The following CBLB variants were observed in gnomAD, a reference collection of about 807,000 sequenced individuals.
CBLB encodes E3 ubiquitin-protein ligase CBL-B.
In CBLB, 31 loss-of-function variants were observed where a neutral mutation model predicts 104.9. That is an observed-to-expected ratio of 0.30 (90% CI 0.22 to 0.40). The LOEUF (loss-of-function observed/expected upper bound fraction) is 0.40. Among genes scored for constraint, CBLB ranks in the 10% least tolerant of loss-of-function variants. The probability of loss-of-function intolerance (pLI) is 1.00; values close to 1 mark genes in which losing one functional copy is unlikely to be tolerated. For missense variants in CBLB, 1,062 were observed against 1,214.6 expected, an observed-to-expected ratio of 0.87 and a Z score of 1.87; for synonymous variants, 440 against 422.6, an observed-to-expected ratio of 1.04 and a Z score of -0.51.
chr3:105,795,098 G>T (rs2082113820), intron 3 of CBLB, among the ~76,000 whole-genome samples: 1 of 152,066 alleles, frequency 6.6e-6, no homozygotes, highest in African/African-American at 2.4e-5. Flanking sequence ...TATTTTAGTA[G>T]AGACAGGGTT....
At chr3:105,832,454 G>A (rs1216261586) in intron 3 of CBLB, among the ~76,000 whole-genome samples, 1 of 152,122 alleles carries the variant, frequency 6.6e-6, no homozygotes, top group Non-Finnish European at 1.5e-5. Context: ...TCTAATTATG[G>A]ATCAGCAGGC....
At chr3:105,740,076 C>G (rs1011774277) in intron 7 of CBLB, among the ~76,000 whole-genome samples, 1 of 150,454 alleles carries the variant, frequency 6.6e-6, no homozygotes, top group African/African-American at 2.5e-5. Flanking sequence ...GCACTCCAGC[C>G]TGGCAACAGA....
chr3:105,810,504 T>A (rs1415514935), intron 3 of CBLB, among the ~76,000 whole-genome samples: 1 of 152,146 alleles, frequency 6.6e-6, no homozygotes, highest in African/African-American at 2.4e-5. Flanking sequence ...TGCACGGGTA[T>A]AACTTAAAGC....
At chr3:105,793,484 CAAAA>C (rs367556783) in intron 3 of CBLB, among the ~76,000 whole-genome samples, 3 of 118,568 alleles carry the variant, frequency 2.5e-5, no homozygotes, top group Admixed American at 8.7e-5. Flanking sequence ...AAATGTTTAA[CAAAA>C]AAAAAAAAAA....
At chr3:105,782,382 C>T (rs887731201) in intron 3 of CBLB, among the ~76,000 whole-genome samples, 1 of 152,092 alleles carries the variant, frequency 6.6e-6, no homozygotes, top group South Asian at 2.1e-4. Flanking sequence ...GGATACTAAA[C>T]TGATCACTTT....
chr3:105,787,340 AAC>A (rs1208467848), intron 3 of CBLB, among the ~76,000 whole-genome samples: 2 of 152,220 alleles, frequency 1.3e-5, no homozygotes, highest in East Asian at 1.9e-4. Flanking sequence ...AGTGGAAGAA[AAC>A]ACAGTGCTGA....
chr3:105,704,230 G>A lies in CBLB; in HGVS notation c.1408-57C>T, dbSNP rs1046693300. 29 of 1,513,144 alleles carry A rather than the reference G, an allele frequency of 1.9e-5. No individual in the cohort carries two copies. In the African/African-American group the frequency reaches 3.7e-4, roughly 19 times the overall value. 93.7% of individuals were successfully genotyped at this position (1,513,144 alleles called of 1,614,324 possible). On this transcript the variant is annotated intron_variant, in intron 10 of 18. Coordinates refer to ENST00000394030, the MANE Select transcript of CBLB (RefSeq NM_170662.5). The stretch of plus-strand genomic sequence containing the variant: ...TTATTAGCTGTGCAGAGTGTTCTCT[G>A]TTCTTAAAGAATATATTTGGTTGGA...
intron 3 of CBLB, among the ~76,000 whole-genome samples, chr3:105,839,676 A>G (rs1363028079): frequency 6.6e-6 from 1 of 152,254 alleles, no homozygotes; most frequent in East Asian, 1.9e-4. Flanking sequence ...CATTGTAGCC[A>G]CAGACAGTAA....
intron 10 of CBLB, among the ~76,000 whole-genome samples, chr3:105,715,134 G>A (rs1559930296): frequency 6.6e-6 from 1 of 152,116 alleles, no homozygotes; most frequent in Non-Finnish European, 1.5e-5. Flanking sequence ...CAAATCACTG[G>A]GTAGCAACAG....
rs773929033 is a variant in CBLB, at chr3:105,659,280, A to G, written c.2690-51T>C. Reference sequence around the variant, plus strand: ...CTATTTAAACAGTGAAATAAAAATGAAGGCAAGATAACATAACAGCATTAT... The same window carrying G: ...CTATTTAAACAGTGAAATAAAAATGGAGGCAAGATAACATAACAGCATTAT... On this transcript the variant is annotated intron_variant, in intron 18 of 18. Coordinates refer to ENST00000394030, the MANE Select transcript of CBLB (RefSeq NM_170662.5). 1.1e-5 allele frequency: 16 copies of G among 1,500,594 alleles called. No individual in the cohort carries two copies. In the Admixed American group the frequency reaches 2.5e-4, roughly 24 times the overall value. 93.0% of individuals were successfully genotyped at this position (1,500,594 alleles called of 1,614,324 possible).
chr3:105,690,619 C>T (rs969747246), intron 13 of CBLB, among the ~76,000 whole-genome samples: 1 of 151,868 alleles, frequency 6.6e-6, no homozygotes, highest in Non-Finnish European at 1.5e-5. Flanking sequence ...GTCAGGAGTT[C>T]GAGACCAGCC....
chr3:105,833,107 G>A (rs1024804307), intron 3 of CBLB, among the ~76,000 whole-genome samples: 1 of 152,180 alleles, frequency 6.6e-6, no homozygotes, highest in African/African-American at 2.4e-5. Flanking sequence ...AGAGTGTCGT[G>A]AAATGAATCT....
chr3:105,760,126 T>C (rs544139312), intron 4 of CBLB, among the ~76,000 whole-genome samples: 26 of 152,374 alleles, frequency 1.7e-4, no homozygotes, highest in Non-Finnish European at 3.5e-4. Context: ...ATAGATTTAA[T>C]GCTTTCTAAC....
intron 15 of CBLB, 44 bp downstream of exon 15, chr3:105,681,680 C>T (rs762310675): frequency 1.2e-6 from 2 of 1,601,228 alleles, no homozygotes; most frequent in South Asian, 2.2e-5. Flanking sequence ...TAAATTCTGA[C>T]CATTAAGATG....
chr3:105,847,608 G>C (rs1231525701), intron 3 of CBLB, among the ~76,000 whole-genome samples: 1 of 2,094 alleles, frequency 4.8e-4, no homozygotes, highest in Non-Finnish European at 1.5e-3. Flanking sequence ...TTCCACCTCA[G>C]TTGACTTTTT....
At chr3:105,778,497 T>TA (rs916946229) in intron 3 of CBLB, among the ~76,000 whole-genome samples, 8 of 152,092 alleles carry the variant, frequency 5.3e-5, no homozygotes, top group African/African-American at 1.9e-4. Context: ...GGAAAAGTAG[T>TA]AATAAGAAGA....
At chr3:105,745,864 A>C in intron 6 of CBLB, 53 bp downstream of exon 6, 9 of 1,547,398 alleles carry the variant, frequency 5.8e-6, no homozygotes, top group Non-Finnish European at 8.0e-6. Flanking sequence ...CAAACCATGG[A>C]GAATTTTTCA....
intron 18 of CBLB, among the ~76,000 whole-genome samples, chr3:105,667,642 T>C (rs2064618646): frequency 6.6e-6 from 1 of 152,238 alleles, no homozygotes; most frequent in African/African-American, 2.4e-5. Flanking sequence ...AGGCTCTTTA[T>C]ATATGTAGAC....
At chr3:105,812,528 G>A (rs1419009899) in intron 3 of CBLB, among the ~76,000 whole-genome samples, 1 of 152,198 alleles carries the variant, frequency 6.6e-6, no homozygotes, top group African/African-American at 2.4e-5. Flanking sequence ...TGGAGTTATT[G>A]ATGCTAAGAG....
Sources: allele counts gnomAD v4.1 joint callset (sites outside exome capture counted in the v4.1 genomes callset), GRCh38; gene constraint gnomAD v4.1.1; transcripts MANE v1.5; gene names NCBI Gene and HGNC (gene_info 2026-07-23, HGNC 2026-07-21).